Variants in RAB3C observed in about 807,000 individuals in gnomAD.
The protein encoded by RAB3C is RAB3C, member RAS oncogene family, also known as ras-related protein Rab-3C.
In RAB3C, 17 loss-of-function variants were observed where a neutral mutation model predicts 26.4. The ratio of observed to expected loss-of-function variants is 0.64; its 90% CI spans 0.44 to 0.97. The LOEUF (loss-of-function observed/expected upper bound fraction) is 0.97, where lower values mean the gene tolerates loss of function less well. Among genes scored for constraint, RAB3C ranks in the 50% least tolerant of loss-of-function variants. The pLI, the probability that RAB3C is intolerant of heterozygous loss-of-function variation, is 0.00. For missense variants in RAB3C, 242 were observed against 281.9 expected, an observed-to-expected ratio of 0.86 and a Z score of 1.01; for synonymous variants, 91 against 95.9, an observed-to-expected ratio of 0.95 and a Z score of 0.30.
chr5:58,667,165 A>T (rs565913158), intron 2 of RAB3C, among the ~76,000 whole-genome samples: 2 of 152,180 alleles, frequency 1.3e-5, no homozygotes, highest in East Asian at 3.9e-4. Context: ...CACTGATGAC[A>T]CTAACAATGG....
chr5:58,589,485 G>C (rs1398402081), intron 1 of RAB3C, among the ~76,000 whole-genome samples: 1 of 152,196 alleles, frequency 6.6e-6, no homozygotes, highest in Non-Finnish European at 1.5e-5. Flanking sequence ...GATTAGCATA[G>C]TTTGGTTTGT....
At chr5:58,745,880 A>G (rs886452604) in intron 3 of RAB3C, among the ~76,000 whole-genome samples, 5 of 152,234 alleles carry the variant, frequency 3.3e-5, no homozygotes, top group African/African-American at 1.2e-4. Context: ...GATATTTCAA[A>G]GAACCTTATA....
At chr5:58,596,516 T>C (rs10037086) in intron 1 of RAB3C, among the ~76,000 whole-genome samples, 16,552 of 134,584 alleles carry the variant, frequency 0.12, 1,367 homozygotes, top group South Asian at 0.23. Context: ...TAATACTATA[T>C]AATACATATT....
At chr5:58,642,469 A>G (rs1163504460) in intron 2 of RAB3C, among the ~76,000 whole-genome samples, 1 of 152,182 alleles carries the variant, frequency 6.6e-6, no homozygotes, top group Non-Finnish European at 1.5e-5. Context: ...CTAGTCACCA[A>G]CCACATTCTA....
In RAB3C at chr5:58,712,280, C is replaced by T. The variant is rs138836069; in HGVS notation, c.253-13722C>T. Reference sequence around the variant, plus strand: ...ATTTTCTGATTTCTAGGTTGTATCTCGTAGATGTTTACTTTGTATTTTTCT... The same window carrying T: ...ATTTTCTGATTTCTAGGTTGTATCTTGTAGATGTTTACTTTGTATTTTTCT... On this transcript the variant is annotated intron_variant, in intron 2 of 4. Transcript: ENST00000282878. 2.6e-4 allele frequency among the ~76,000 whole-genome samples: 40 copies of T among 152,010 alleles called. No homozygotes were observed. In the East Asian group the frequency reaches 7.7e-3, roughly 29 times the overall value.
chr5:58,810,571 A>G (rs1743053370), intron 3 of RAB3C, among the ~76,000 whole-genome samples: 1 of 152,140 alleles, frequency 6.6e-6, no homozygotes, highest in East Asian at 1.9e-4. Context: ...TAATATATGC[A>G]TGAGATATAT....
chr5:58,693,351 T>TATATATATATATATATATATACACATAC (rs1561291411), intron 2 of RAB3C, among the ~76,000 whole-genome samples: 15 of 143,742 alleles, frequency 1.0e-4, no homozygotes, highest in African/African-American at 3.4e-4. Context: ...TATATATATA[T>TATATATATATATATATATATACACATAC]ATATATATAT....
chr5:58,780,848 A>AT (rs890792292), intron 3 of RAB3C, among the ~76,000 whole-genome samples: 1 of 152,088 alleles, frequency 6.6e-6, no homozygotes, highest in Non-Finnish European at 1.5e-5. Context: ...GATGGGGCTA[A>AT]TAAAAAATAT....
At chr5:58,708,046 A>G (rs1052867305) in intron 2 of RAB3C, among the ~76,000 whole-genome samples, 1 of 149,118 alleles carries the variant, frequency 6.7e-6, no homozygotes, top group Non-Finnish European at 1.5e-5. Context: ...GCTGGAATGC[A>G]GTGGTACAAT....
chr5:58,663,145 C>G (rs973384382), intron 2 of RAB3C, among the ~76,000 whole-genome samples: 1 of 149,368 alleles, frequency 6.7e-6, no homozygotes, highest in South Asian at 2.1e-4. Flanking sequence ...TCTAAATATA[C>G]AAAGTATGCA....
intron 1 of RAB3C, among the ~76,000 whole-genome samples, chr5:58,602,271 A>G (rs539323679): frequency 2.0e-5 from 3 of 152,252 alleles, no homozygotes; most frequent in Admixed American, 6.5e-5. Flanking sequence ...GACCTATCAT[A>G]TGGTCTATCT....
chr5:58,669,080 C>T (rs1484346564), intron 2 of RAB3C, among the ~76,000 whole-genome samples: 6 of 152,096 alleles, frequency 3.9e-5, no homozygotes, highest in East Asian at 1.9e-4. Flanking sequence ...ACCCCCACAA[C>T]CTAATTACCT....
chr5:58,806,227 T>C (rs1262773437), intron 3 of RAB3C, among the ~76,000 whole-genome samples: 1 of 152,204 alleles, frequency 6.6e-6, no homozygotes, highest in Admixed American at 6.5e-5. Flanking sequence ...TACTAAACAG[T>C]AAAATGATGA....
intron 2 of RAB3C, among the ~76,000 whole-genome samples, chr5:58,677,854 T>C (rs1163329872): frequency 6.6e-6 from 1 of 152,186 alleles, no homozygotes; most frequent in Non-Finnish European, 1.5e-5. Flanking sequence ...TTGAAGGAAA[T>C]GAATACAGTT....
In RAB3C at chr5:58,857,479, T is replaced by C. The variant is rs140104721; in HGVS notation, c.*6128T>C. Reference sequence around the variant, plus strand: ...GTACATTTTACTTTTAAGCAACTAATTTAGATACCTAAGAAAAACTATGTG... The same window carrying C: ...GTACATTTTACTTTTAAGCAACTAACTTAGATACCTAAGAAAAACTATGTG... On this transcript the variant is annotated 3_prime_UTR_variant, in exon 5 of 5. Transcript: ENST00000282878. 108 of 152,294 alleles carry C rather than the reference T, an allele frequency of 7.1e-4. No individual in the cohort carries two copies. Among genetic ancestry groups the C allele is most frequent in the Middle Eastern group, 6.8e-3 (2 of 294 alleles). 9.4% of individuals were successfully genotyped at this position (152,294 alleles called of 1,614,324 possible). A position where few individuals can be genotyped will look rare whatever the true frequency, so the allele number is the denominator to read the frequency against.
intron 2 of RAB3C, among the ~76,000 whole-genome samples, chr5:58,621,351 A>C (rs903236604): frequency 6.6e-6 from 1 of 152,188 alleles, no homozygotes; most frequent in Admixed American, 6.5e-5. Flanking sequence ...CAAGATATAG[A>C]GAGGCTAAGC....
At chr5:58,696,393 T>TG (rs1264005744) in intron 2 of RAB3C, among the ~76,000 whole-genome samples, 1 of 152,180 alleles carries the variant, frequency 6.6e-6, no homozygotes. Context: ...TCTTTTTTTG[T>TG]TGTATCTCTG....
chr5:58,610,785 C>A (rs1397958405), intron 1 of RAB3C, among the ~76,000 whole-genome samples: 2 of 152,030 alleles, frequency 1.3e-5, no homozygotes, highest in Admixed American at 6.6e-5. Context: ...TTTAGGGGTA[C>A]ATGCGCAGGT....
rs1024354457 is a variant in RAB3C at position 58,855,693 on chromosome 5, G to T, written c.*4342G>T. The stretch of plus-strand genomic sequence containing the variant: ...TTCTTCATATTTTAGGTGAATTTTT[G>T]ACCAAAGTCAATTAAAGACATAAAC... On this transcript the variant is annotated 3_prime_UTR_variant, in exon 5 of 5. Transcript: ENST00000282878. 6.6e-6 allele frequency: 1 copy of T among 152,064 alleles called. No individual in the cohort carries two copies. Among genetic ancestry groups the T allele is most frequent in the African/African-American group, 2.4e-5 (1 of 41,392 alleles). The allele number at this position is 152,064 out of a possible 1,614,324, so 9.4% of individuals were successfully genotyped here.
Sources: allele counts gnomAD v4.1 joint callset (sites outside exome capture counted in the v4.1 genomes callset), GRCh38; gene constraint gnomAD v4.1.1; transcripts MANE v1.5; gene names NCBI Gene and HGNC (gene_info 2026-07-23, HGNC 2026-07-21).